MYO1E: variants seen among roughly 807,000 people sequenced by gnomAD.
MYO1E encodes unconventional myosin-Ie.
In MYO1E, 68 loss-of-function variants were observed where a neutral mutation model predicts 151.1. The observed-to-expected ratio is 0.45, with a 90% CI of 0.37 to 0.55. MYO1E has a LOEUF of 0.55. Among genes scored for constraint, MYO1E ranks in the 20% least tolerant of loss-of-function variants. The pLI is 0.00. For synonymous variants in MYO1E, 601 were observed against 501.7 expected (o/e 1.20, Z -2.64); for missense variants, 1,363 against 1,389.3 (o/e 0.98, Z 0.30).
chr15:59,143,474 G>T (rs1280416559), intron 26 of MYO1E, among the ~76,000 whole-genome samples: 1 of 152,176 alleles, frequency 6.6e-6, no homozygotes, highest in African/African-American at 2.4e-5. Context: ...TTGCTGGGGC[G>T]GCATATTCCC....
At chr15:59,165,182 G>A (rs1413209634) in intron 22 of MYO1E, among the ~76,000 whole-genome samples, 10 of 152,126 alleles carry the variant, frequency 6.6e-5, no homozygotes, top group Non-Finnish European at 1.5e-4. Context: ...TAATCCACAG[G>A]AGAAAAAGAG....
At chr15:59,315,241 T>C (rs1320691749) in intron 1 of MYO1E, among the ~76,000 whole-genome samples, 1 of 152,126 alleles carries the variant, frequency 6.6e-6, no homozygotes, top group Non-Finnish European at 1.5e-5. Context: ...TTCCATTACA[T>C]GTGCCCCCAA....
intron 5 of MYO1E, among the ~76,000 whole-genome samples, chr15:59,234,952 G>T (rs1387759017): frequency 6.6e-6 from 1 of 151,872 alleles, no homozygotes; most frequent in Non-Finnish European, 1.5e-5. Flanking sequence ...AAGGAATTCT[G>T]TCACCAGCGG....
At chr15:59,267,203 T>G (rs1326471387) in intron 2 of MYO1E, among the ~76,000 whole-genome samples, 1 of 44,740 alleles carries the variant, frequency 2.2e-5, no homozygotes, top group Admixed American at 2.6e-4. Context: ...TTTTTGTATT[T>G]ATAGTAGAGA....
rs114875985 is a variant in MYO1E at position 59,274,676 on chromosome 15, G to A, written c.4-2227C>T. 1.5e-3 allele frequency among the ~76,000 whole-genome samples: 236 copies of A among 152,266 alleles called. 1 individual carries two copies. Among genetic ancestry groups the A allele is most frequent in the African/African-American group, 5.1e-3 (214 of 41,556 alleles). ...ATGGTGCGTATGTTTGTATTGATCC[G>A]AAGAAACTGCCTTCCTAGCGTAACC... On this transcript the variant is annotated intron_variant, in intron 1 of 27. Coordinates refer to ENST00000288235, the MANE Select transcript of MYO1E (RefSeq NM_004998.4).
At chr15:59,368,473 T>C (rs1304820258) in intron 1 of MYO1E, among the ~76,000 whole-genome samples, 25 of 147,706 alleles carry the variant, frequency 1.7e-4, no homozygotes, top group African/African-American at 6.3e-4. Flanking sequence ...TAGCTGGGCA[T>C]TGTGGCAGGC....
chr15:59,248,141 A>AG (rs2080141721), intron 4 of MYO1E, among the ~76,000 whole-genome samples: 1 of 150,324 alleles, frequency 6.7e-6, no homozygotes, highest in Non-Finnish European at 1.5e-5. Context: ...AAAAAAAAAA[A>AG]AAAAAAAAAA....
chr15:59,356,343 T>C (rs1047544412), intron 1 of MYO1E, among the ~76,000 whole-genome samples: 2 of 152,130 alleles, frequency 1.3e-5, no homozygotes, highest in African/African-American at 4.8e-5. Context: ...CAGACAAGGT[T>C]CCAACGAAAA....
chr15:59,195,149 T>C (rs2079758790), intron 17 of MYO1E, among the ~76,000 whole-genome samples: 1 of 152,178 alleles, frequency 6.6e-6, no homozygotes, highest in Non-Finnish European at 1.5e-5. Flanking sequence ...ACACAGAACC[T>C]CAAACTGATT....
chr15:59,271,603 T>A (rs2080289441), intron 2 of MYO1E, among the ~76,000 whole-genome samples: 1 of 152,230 alleles, frequency 6.6e-6, no homozygotes, highest in South Asian at 2.1e-4. Flanking sequence ...CCATTCTGCA[T>A]TTTTTAAAGC....
At chr15:59,366,127 GCAC>G (rs1349930411) in intron 1 of MYO1E, among the ~76,000 whole-genome samples, 2 of 151,522 alleles carry the variant, frequency 1.3e-5, no homozygotes, top group Non-Finnish European at 2.9e-5. Flanking sequence ...TTACAGGCAT[GCAC>G]CACCACACCT....
chr15:59,186,956 A>C (rs1179961327), intron 18 of MYO1E, among the ~76,000 whole-genome samples: 2 of 152,238 alleles, frequency 1.3e-5, no homozygotes, highest in Admixed American at 1.3e-4. Context: ...TGCCAAATAC[A>C]TGTTAAGGGA....
chr15:59,371,996 C>G (rs2080948254), intron 1 of MYO1E, among the ~76,000 whole-genome samples: 1 of 149,858 alleles, frequency 6.7e-6, no homozygotes, highest in East Asian at 2.0e-4. Flanking sequence ...GGCGGGACAG[C>G]TGCGGGCGCT....
At chr15:59,193,779 G>C (rs1401543347) in intron 17 of MYO1E, among the ~76,000 whole-genome samples, 3 of 152,204 alleles carry the variant, frequency 2.0e-5, no homozygotes, top group Admixed American at 6.5e-5. Flanking sequence ...GGTCACCTTA[G>C]CAAGTATGAG....
intron 1 of MYO1E, among the ~76,000 whole-genome samples, chr15:59,331,634 C>T (rs1388924993): frequency 9.2e-5 from 14 of 152,158 alleles, no homozygotes; most frequent in Admixed American, 9.2e-4. Flanking sequence ...TCCAAAAATA[C>T]TAAGATGGAA....
chr15:59,179,485 T>C (rs1457621972), intron 18 of MYO1E, among the ~76,000 whole-genome samples: 11 of 152,152 alleles, frequency 7.2e-5, no homozygotes, highest in African/African-American at 2.4e-4. Context: ...TAATGAACAT[T>C]CCTGGCTAAT....
At chr15:59,244,281 G>A (rs1487377257) in intron 4 of MYO1E, among the ~76,000 whole-genome samples, 1 of 152,230 alleles carries the variant, frequency 6.6e-6, no homozygotes, top group African/African-American at 2.4e-5. Context: ...TGCAGTCAGA[G>A]GAACCCAATG....
At chr15:59,208,230 G>A in intron 14 of MYO1E, 2 of 744,272 alleles carry the variant, frequency 2.7e-6, no homozygotes, top group Non-Finnish European at 2.1e-6. Context: ...TAGTCCTCCA[G>A]CTCTTTTATT....
At chr15:59,263,795 A>G (rs2080237680) in intron 2 of MYO1E, among the ~76,000 whole-genome samples, 1 of 152,184 alleles carries the variant, frequency 6.6e-6, no homozygotes, top group Non-Finnish European at 1.5e-5. Flanking sequence ...TGATTGAGCC[A>G]TAACTGAAAA....
Sources: allele counts gnomAD v4.1 joint callset (sites outside exome capture counted in the v4.1 genomes callset), GRCh38; gene constraint gnomAD v4.1.1; transcripts MANE v1.5; gene names NCBI Gene and HGNC (gene_info 2026-07-23, HGNC 2026-07-21).